The following ARHGAP39 variants were observed in gnomAD, a reference collection of about 807,000 sequenced individuals.
ARHGAP39 encodes Rho GTPase activating protein 39, also known as rho GTPase-activating protein 39.
In ARHGAP39, 44 loss-of-function variants were observed where a neutral mutation model predicts 106.9. That is an observed-to-expected ratio of 0.41 (90% CI 0.32 to 0.53). ARHGAP39 has a LOEUF of 0.53. Among genes scored for constraint, ARHGAP39 ranks in the 20% least tolerant of loss-of-function variants. The probability of loss-of-function intolerance (pLI) is 0.21; values close to 1 mark genes in which losing one functional copy is unlikely to be tolerated. For missense variants in ARHGAP39, 1,496 were observed against 1,577.3 expected, an observed-to-expected ratio of 0.95 and a Z score of 0.87; for synonymous variants, 768 against 693.2, an observed-to-expected ratio of 1.11 and a Z score of -1.69.
rs375499760 is a variant in ARHGAP39 at position 144,656,908 on chromosome 8, C to T, written c.-82+28778G>A. The stretch of plus-strand genomic sequence containing the variant: ...ACATTTATAAAATGAGTTAATTAGA[C>T]GAAATGGATAAATTCCTTGAACAAC... On this transcript the variant is annotated intron_variant, in intron 1 of 11. Coordinates refer to ENST00000377307, the MANE Select transcript of ARHGAP39 (RefSeq NM_025251.3). Among the ~76,000 whole-genome samples, 74 of 149,132 alleles carry T rather than the reference C, an allele frequency of 5.0e-4. No individual in the cohort carries two copies. The South Asian group carries it at 5.3e-3, about 11-fold the overall frequency.
At position 144,530,588 on chromosome 8, in the gene ARHGAP39, A is replaced by G. The variant is rs1486803757; in HGVS notation, c.3179T>C (p.Val1060Ala). The change falls in exon 12 of 12, where the codon GTC (valine) becomes GCC (alanine). Residue 1060 changes from valine to alanine, a missense_variant. Transcript: ENST00000377307. The stretch of plus-strand genomic sequence containing the variant: ...CAGGTTGCTGACATCCATCTTGGTG[A>G]CCGCGACGTTGGCCGGCTGCACGAA... Reference protein sequence around the residue: ...QVFVQPANVAVTKMDVSNLAM... With the variant: ...QVFVQPANVAATKMDVSNLAM... 5 of 1,515,246 alleles carry G rather than the reference A, an allele frequency of 3.3e-6. No homozygotes were observed. In the East Asian group the frequency reaches 8.4e-5, roughly 26 times the overall value. The allele number at this position is 1,515,246 out of a possible 1,614,324, so 93.9% of individuals were successfully genotyped here.
chr8:144,548,148 T>A lies in ARHGAP39; in HGVS notation c.938A>T (p.Tyr313Phe). Residue 313 changes from tyrosine to phenylalanine, a missense_variant, in exon 5 of 12, where the codon TAC becomes TTC. By Grantham distance (22) the Tyr-to-Phe change is conservative. Around this residue, in one of 4 missense-constraint regions of ARHGAP39, gnomAD observed 905 missense variants for 816.4 expected, o/e 1.11. Coordinates refer to ENST00000377307, the MANE Select transcript of ARHGAP39 (RefSeq NM_025251.3). The surrounding 1 kb of genome is among the most constrained non-coding windows in gnomAD (Gnocchi z 7.4). ...SPRYGYEPPL[Y>F]EEPPVEYQAP... ...CTGGTACTCCACTGGGGGCTCCTCG[T>A]AGAGCGGGGGTTCATAGCCATAGCG... The A allele has an allele frequency of 6.4e-7, 1 of 1,569,560 alleles. No homozygotes were observed. The highest frequency in any genetic ancestry group is 8.6e-7 in the Non-Finnish European group (1 of 1,156,926).
intron 10 of ARHGAP39, among the ~76,000 whole-genome samples, chr8:144,531,241 ACAGGGCAGCGAGCAG>A (rs1816707766): frequency 3.2e-5 from 1 of 31,618 alleles, no homozygotes; most frequent in African/African-American, 2.1e-4. Context: ...GCAGAAGGGC[ACAGGGCAGCGAGCAG>A]CAGGTGGGGA....
chr8:144,578,500 T>C (rs1818851614), intron 3 of ARHGAP39, among the ~76,000 whole-genome samples: 1 of 152,218 alleles, frequency 6.6e-6, no homozygotes. Flanking sequence ...AGTGCTGGGA[T>C]TACAGGCGTG....
intron 3 of ARHGAP39, among the ~76,000 whole-genome samples, chr8:144,580,056 G>C (rs1054141963): frequency 6.6e-6 from 1 of 151,842 alleles, no homozygotes; most frequent in Non-Finnish European, 1.5e-5. Flanking sequence ...CGCCTGCCTC[G>C]GCTCTTCCCC....
At chr8:144,576,367 A>G (rs1423901417) in intron 3 of ARHGAP39, among the ~76,000 whole-genome samples, 1 of 151,678 alleles carries the variant, frequency 6.6e-6, no homozygotes, top group Non-Finnish European at 1.5e-5. Context: ...AGAACGAAAA[A>G]AAACCTCCCA....
chr8:144,610,155 C>T (rs1189143903), intron 1 of ARHGAP39, among the ~76,000 whole-genome samples: 3 of 152,214 alleles, frequency 2.0e-5, no homozygotes, highest in African/African-American at 7.2e-5. Flanking sequence ...TTAAGAGCAA[C>T]AGACTCTGTA....
intron 6 of ARHGAP39, among the ~76,000 whole-genome samples, chr8:144,544,475 C>T (rs146940270): frequency 7.2e-4 from 110 of 152,308 alleles, no homozygotes; most frequent in Non-Finnish European, 8.5e-4. Context: ...GGTGTGTGTG[C>T]GTGCGTGCAT....
intron 7 of ARHGAP39, among the ~76,000 whole-genome samples, chr8:144,535,385 T>C (rs1160993394): frequency 6.6e-6 from 1 of 152,146 alleles, no homozygotes; most frequent in Admixed American, 6.5e-5. Context: ...GGACCACAGG[T>C]CTTGGCAGAG....
At chr8:144,673,318 A>C (rs2129733472) in intron 1 of ARHGAP39, among the ~76,000 whole-genome samples, 1 of 152,204 alleles carries the variant, frequency 6.6e-6, no homozygotes. Flanking sequence ...GCGGGCATGC[A>C]GCCTTCTGAC....
intron 2 of ARHGAP39, among the ~76,000 whole-genome samples, chr8:144,590,797 G>C (rs1819363159): frequency 6.6e-6 from 1 of 152,108 alleles, no homozygotes; most frequent in African/African-American, 2.4e-5. Context: ...TGGGAACAGA[G>C]CCAGCATGGA....
intron 3 of ARHGAP39, among the ~76,000 whole-genome samples, chr8:144,567,441 C>T (rs115035854): frequency 0.033 from 5,097 of 152,222 alleles, 273 homozygotes; most frequent in African/African-American, 0.12. Flanking sequence ...CTAGCAGTAG[C>T]GTCAGTATCA....
At chr8:144,635,405 C>G (rs1821149270) in intron 1 of ARHGAP39, among the ~76,000 whole-genome samples, 1 of 152,192 alleles carries the variant, frequency 6.6e-6, no homozygotes, top group Non-Finnish European at 1.5e-5. Flanking sequence ...TTCTGGAGAA[C>G]AGTGCACCTA....
At chr8:144,581,608 G>A (rs1818994876) in intron 2 of ARHGAP39, among the ~76,000 whole-genome samples, 1 of 152,242 alleles carries the variant, frequency 6.6e-6, no homozygotes, top group South Asian at 2.1e-4. Flanking sequence ...CCGTCCTGCA[G>A]GATCGTGGCA....
At chr8:144,698,347 G>T in the ARHGAP39 span, among the ~76,000 whole-genome samples, 1 of 152,214 alleles carries the variant, frequency 6.6e-6, no homozygotes, top group South Asian at 2.1e-4. Context: ...ACAGCCTGCA[G>T]AACTGTGAGC....
At chr8:144,676,178 C>CTT (rs1349920241) in intron 1 of ARHGAP39, among the ~76,000 whole-genome samples, 2 of 152,226 alleles carry the variant, frequency 1.3e-5, no homozygotes, top group Non-Finnish European at 2.9e-5. Flanking sequence ...GGGTGGCCTG[C>CTT]TTTTATTCCC....
intron 1 of ARHGAP39, among the ~76,000 whole-genome samples, chr8:144,663,277 G>T (rs1821880896): frequency 2.0e-5 from 3 of 152,292 alleles, no homozygotes; most frequent in African/African-American, 2.4e-5. Context: ...TTGGCTCACA[G>T]TTCTGCAGGC....
At chr8:144,605,971 G>A (rs1586608841) in intron 1 of ARHGAP39, among the ~76,000 whole-genome samples, 1 of 152,236 alleles carries the variant, frequency 6.6e-6, no homozygotes, top group South Asian at 2.1e-4. Context: ...CCCACTCCAC[G>A]ATGGGCCGGG....
intron 3 of ARHGAP39, among the ~76,000 whole-genome samples, chr8:144,580,069 C>T (rs993138253): frequency 3.9e-5 from 6 of 152,142 alleles, no homozygotes; most frequent in Admixed American, 3.9e-4. Flanking sequence ...TCTTCCCCAC[C>T]GTCCTCTCTG....
Sources: allele counts gnomAD v4.1 joint callset (sites outside exome capture counted in the v4.1 genomes callset), GRCh38; gene constraint gnomAD v4.1.1; regional missense constraint gnomAD v4.1.1; non-coding constraint Gnocchi (gnomAD v3.1); transcripts MANE v1.5; gene names NCBI Gene and HGNC (gene_info 2026-07-23, HGNC 2026-07-21).